SLFN12L: variants seen among roughly 807,000 people sequenced by gnomAD.
SLFN12L encodes the protein schlafen family member 12 like.
In SLFN12L, 34 loss-of-function variants were observed where a neutral mutation model predicts 34.8. The observed-to-expected ratio is 0.98, with a 90% CI of 0.74 to 1.30. The LOEUF is 1.30. Ranked by LOEUF, SLFN12L falls within the 50% of genes most tolerant of loss-of-function variation. SLFN12L has a pLI of 0.00. For synonymous variants in SLFN12L, 259 were observed against 247.5 expected (o/e 1.05, Z -0.44); for missense variants, 703 against 696.2 (o/e 1.01, Z -0.11).
chr17:35,508,405 G>C (rs1340529597), intron 2 of SLFN12L, among the ~76,000 whole-genome samples: 1 of 152,200 alleles, frequency 6.6e-6, no homozygotes, highest in Non-Finnish European at 1.5e-5. Context: ...GGAGTGCAGT[G>C]GCACGATCTC....
In SLFN12L at chr17:35,522,457, A is replaced by G. The variant is rs1916027064; in HGVS notation, c.-93T>C. 6.2e-7 allele frequency: 1 copy of G among 1,613,862 alleles called. No homozygotes were observed. Among genetic ancestry groups the G allele is most frequent in the Admixed American group, 1.7e-5 (1 of 59,994 alleles). On this transcript the variant is annotated 5_prime_UTR_variant, in exon 2 of 5. Coordinates refer to ENST00000628453, the MANE Select transcript of SLFN12L (RefSeq NM_001363830.2). ...TGGAAGCTTCTGGAGAATATCTCATACTGCTGGGCTGTGAGCAGATTTAAA... is the reference window on the plus strand; with the variant it reads ...TGGAAGCTTCTGGAGAATATCTCATGCTGCTGGGCTGTGAGCAGATTTAAA...
intron 1 of SLFN12L, among the ~76,000 whole-genome samples, chr17:35,523,529 C>A (rs1173298751): frequency 6.6e-6 from 1 of 152,224 alleles, no homozygotes; most frequent in Non-Finnish European, 1.5e-5. Flanking sequence ...AGAATTGTTG[C>A]ATCACATACA....
intron 1 of SLFN12L, among the ~76,000 whole-genome samples, chr17:35,533,215 T>G (rs954293505): frequency 2.0e-5 from 3 of 152,242 alleles, no homozygotes; most frequent in East Asian, 1.9e-4. Flanking sequence ...AACACAATGT[T>G]GTATGTAGAA....
chr17:35,482,631 G>A (rs368237806), intron 2 of SLFN12L, among the ~76,000 whole-genome samples: 9 of 152,182 alleles, frequency 5.9e-5, no homozygotes, highest in Non-Finnish European at 7.4e-5. Flanking sequence ...CCCTGCCCTC[G>A]CAGGCTCAGA....
chr17:35,490,401 G>A lies in SLFN12L; in HGVS notation c.87-10206C>T, dbSNP rs572022333. 177 of 1,291,004 alleles carry A rather than the reference G, an allele frequency of 1.4e-4. 1 individual carries two copies. In the African/African-American group the frequency reaches 2.3e-3, roughly 17 times the overall value. 80.0% of individuals were successfully genotyped at this position (1,291,004 alleles called of 1,614,324 possible). On this transcript the variant is annotated intron_variant, in intron 2 of 4. Coordinates refer to ENST00000628453, the MANE Select transcript of SLFN12L (RefSeq NM_001363830.2). ...TCACCAAGAAGTTCATTCAGCTCCT[G>A]AACCAGTCACCCGATGGGGTCTTGG...
At chr17:35,495,576 C>T (rs372550074) in intron 2 of SLFN12L, among the ~76,000 whole-genome samples, 7 of 152,270 alleles carry the variant, frequency 4.6e-5, no homozygotes, top group African/African-American at 1.2e-4. Flanking sequence ...GGACCTGAGA[C>T]TCCTGCTGCA....
intron 2 of SLFN12L, among the ~76,000 whole-genome samples, chr17:35,503,040 T>C (rs144942753): frequency 6.4e-4 from 98 of 152,364 alleles, no homozygotes; most frequent in African/African-American, 2.2e-3. Context: ...AGAAATGTTG[T>C]ATAATTTAAA....
At chr17:35,492,138 T>A (rs1159510710) in intron 2 of SLFN12L, among the ~76,000 whole-genome samples, 1 of 152,196 alleles carries the variant, frequency 6.6e-6, no homozygotes, top group Non-Finnish European at 1.5e-5. Flanking sequence ...TTTTGCAAAT[T>A]CACATTACTT....
intron 2 of SLFN12L, among the ~76,000 whole-genome samples, chr17:35,502,978 G>A (rs1044597330): frequency 8.9e-6 from 1 of 112,564 alleles, no homozygotes. Flanking sequence ...TGAAAGTCGT[G>A]AAAGAGAAAA....
At chr17:35,502,432 A>C (rs955363951) in intron 2 of SLFN12L, among the ~76,000 whole-genome samples, 14 of 148,342 alleles carry the variant, frequency 9.4e-5, no homozygotes, top group African/African-American at 7.5e-5. Context: ...AAAAAAAAAA[A>C]AAAAAAAAAA....
chr17:35,518,551 A>G (rs1217575565), intron 2 of SLFN12L, among the ~76,000 whole-genome samples: 1 of 98,480 alleles, frequency 1.0e-5, no homozygotes, highest in East Asian at 3.7e-4. Flanking sequence ...ACTGTATTTA[A>G]AAAAAAAAAA....
chr17:35,492,416 A>G (rs908414882), intron 2 of SLFN12L, among the ~76,000 whole-genome samples: 16 of 152,248 alleles, frequency 1.1e-4, no homozygotes, highest in Admixed American at 5.9e-4. Context: ...GCTCTCTTAT[A>G]CCACACTCAA....
rs895097372 is a variant in SLFN12L at position 35,522,446 on chromosome 17, G to T, written c.-82C>A. ...CTCTGTTCTTGTGGAAGCTTCTGGA[G>T]AATATCTCATACTGCTGGGCTGTGA... On this transcript the variant is annotated 5_prime_UTR_variant, in exon 2 of 5. Transcript: ENST00000628453. 6.2e-7 allele frequency: 1 copy of T among 1,613,980 alleles called. No individual in the cohort carries two copies. Among genetic ancestry groups the T allele is most frequent in the African/African-American group, 1.3e-5 (1 of 74,932 alleles).
intron 2 of SLFN12L, among the ~76,000 whole-genome samples, chr17:35,486,163 C>T (rs1041389273): frequency 3.3e-5 from 5 of 152,116 alleles, no homozygotes; most frequent in Admixed American, 6.5e-5. Context: ...TTGTTTGTGT[C>T]GTCTATGATT....
rs1289464705 is a variant in SLFN12L at position 35,474,232 on chromosome 17, A to C, written c.*691T>G. On this transcript the variant is annotated 3_prime_UTR_variant, in exon 5 of 5. Transcript: ENST00000628453. Reference sequence around the variant, plus strand: ...TGCATTTCATTGCAATATAGTTTTCAAGAAGATATTAGAGAACTATGTTTT... The same window carrying C: ...TGCATTTCATTGCAATATAGTTTTCCAGAAGATATTAGAGAACTATGTTTT... The C allele has an allele frequency of 6.6e-6, 1 of 152,244 alleles. No homozygotes were observed. Among genetic ancestry groups the C allele is most frequent in the Non-Finnish European group, 1.5e-5 (1 of 68,050 alleles). 9.4% of individuals were successfully genotyped at this position (152,244 alleles called of 1,614,324 possible).
chr17:35,509,891 G>A (rs1232907820), intron 2 of SLFN12L: 4 of 152,156 alleles, frequency 2.6e-5, no homozygotes, highest in Admixed American at 2.6e-4. Flanking sequence ...TAGAAACGGG[G>A]TTTCACCGTG....
chr17:35,527,956 A>T (rs1433712399), intron 1 of SLFN12L, among the ~76,000 whole-genome samples: 1 of 152,194 alleles, frequency 6.6e-6, no homozygotes, highest in Admixed American at 6.5e-5. Flanking sequence ...AGAAAACCCC[A>T]CAGTCTCAGC....
intron 2 of SLFN12L, among the ~76,000 whole-genome samples, chr17:35,486,459 C>G (rs1914584747): frequency 1.3e-5 from 2 of 152,146 alleles, no homozygotes; most frequent in South Asian, 4.1e-4. Context: ...GTTGAGCCAC[C>G]TTATAGAGGA....
chr17:35,475,238 C>T lies in SLFN12L; in HGVS notation c.1524G>A (p.Glu508=). The T allele has an allele frequency of 6.2e-7, 1 of 1,614,182 alleles. No homozygotes were observed. Among genetic ancestry groups the T allele is most frequent in the Non-Finnish European group, 8.5e-7 (1 of 1,180,036 alleles). The change falls in exon 5 of 5, where the codon GAG becomes GAA. Residue 508 remains glutamate, a synonymous_variant. Coordinates refer to ENST00000628453, the MANE Select transcript of SLFN12L (RefSeq NM_001363830.2). The stretch of plus-strand genomic sequence containing the variant: ...CAGTTTGTGTAGAATAGTCTTTAAA[C>T]TCCTCATCCTGTACCATGTGGAAGG... ...LYTFHMVQDE[E]FKDYSTQTAQ...
Sources: gnomAD v4.1 joint callset for allele counts (sites outside exome capture counted in the v4.1 genomes callset) on GRCh38, gnomAD v4.1.1 for gene constraint, MANE v1.5 for transcripts, NCBI Gene and HGNC (gene_info 2026-07-23, HGNC 2026-07-21) for gene names.